The following THUMPD2 variants were observed in gnomAD, a reference collection of about 807,000 sequenced individuals.
The protein encoded by THUMPD2 is THUMP domain 2 tRNA and snRNA guanosine methyltransferase, also known as U6 snRNA (guanine-N(2))-methyltransferase THUMPD2.
THUMPD2 carries 56 observed loss-of-function variants against 49.4 expected under a neutral mutation model. The observed-to-expected ratio is 1.13, with a 90% CI of 0.91 to 1.41. The LOEUF (loss-of-function observed/expected upper bound fraction) is 1.41. Among genes scored for constraint, THUMPD2 ranks in the 40% most tolerant of loss-of-function variants. THUMPD2 has a pLI of 0.00. For missense variants in THUMPD2, 709 were observed against 594.5 expected (o/e 1.19, Z -2.00); for synonymous variants, 237 against 205.2 (o/e 1.15, Z -1.32).
At chr2:39,755,862 C>T in intron 7 of THUMPD2, 27 bp downstream of exon 7, 1 of 1,604,826 alleles carries the variant, frequency 6.2e-7, no homozygotes, top group Non-Finnish European at 8.5e-7. Flanking sequence ...AGATAAATTG[C>T]TTGCTTTACC....
chr2:39,741,325 T>C (rs1246502284), intron 9 of THUMPD2, among the ~76,000 whole-genome samples: 2 of 152,196 alleles, frequency 1.3e-5, no homozygotes, highest in South Asian at 2.1e-4. Context: ...GGTATACTCA[T>C]TGTTCCATGA....
intron 4 of THUMPD2, among the ~76,000 whole-genome samples, chr2:39,767,596 T>TC (rs2148323759): frequency 1.5e-5 from 1 of 66,376 alleles, no homozygotes; most frequent in South Asian, 5.0e-4. Flanking sequence ...AGAGCGAGAC[T>TC]CCGTCTCAAA....
At position 39,775,294 on chromosome 2, in the gene THUMPD2, T is replaced by C. The variant is rs558203343; in HGVS notation, c.127-3654A>G. The stretch of plus-strand genomic sequence containing the variant: ...ATCCTGTCACGATTTTTTTAAAAAG[T>C]TTAAATCTATGCAAAAACACATCAT... On this transcript the variant is annotated intron_variant, in intron 1 of 9. Coordinates refer to ENST00000505747, the MANE Select transcript of THUMPD2 (RefSeq NM_025264.5). Among the ~76,000 whole-genome samples the C allele has an allele frequency of 3.6e-4, 55 of 152,202 alleles. 2 individuals are homozygous for C. The highest frequency in any genetic ancestry group is 6.8e-3 in the Middle Eastern group (2 of 294).
At chr2:39,778,920 T>C (rs1558553609) in intron 1 of THUMPD2, among the ~76,000 whole-genome samples, 194 bp downstream of exon 1, 1 of 152,180 alleles carries the variant, frequency 6.6e-6, no homozygotes, top group African/African-American at 2.4e-5. Flanking sequence ...GGATTTGCTA[T>C]ACAAGGAAAG....
intron 1 of THUMPD2, among the ~76,000 whole-genome samples, chr2:39,773,881 A>G (rs1217144701): frequency 2.0e-5 from 3 of 152,218 alleles, no homozygotes; most frequent in Non-Finnish European, 2.9e-5. Context: ...CTTGTAGAAT[A>G]AGCATATTAT....
intron 1 of THUMPD2, among the ~76,000 whole-genome samples, chr2:39,775,271 C>G (rs1456689738): frequency 6.6e-6 from 1 of 152,004 alleles, no homozygotes; most frequent in East Asian, 1.9e-4. Flanking sequence ...AGAGCCTGAT[C>G]CTGTCACGAT....
rs192883697 is a variant in THUMPD2, at chr2:39,777,295, A to G, written c.126+1819T>C. ...AGTTACAAATCCACTAAAGGAATAT[A>G]TAAGATCTGCACACAGGTCTTTTGA... On this transcript the variant is annotated intron_variant, in intron 1 of 9. Coordinates refer to ENST00000505747, the MANE Select transcript of THUMPD2 (RefSeq NM_025264.5). 1.6e-3 allele frequency among the ~76,000 whole-genome samples: 250 copies of G among 152,312 alleles called. 1 individual carries two copies. The highest frequency in any genetic ancestry group is 5.7e-3 in the African/African-American group (239 of 41,572).
chr2:39,755,777 T>C (rs969502256), intron 7 of THUMPD2, 112 bp downstream of exon 7: 61 of 832,660 alleles, frequency 7.3e-5, no homozygotes, highest in Non-Finnish European at 1.0e-4. Flanking sequence ...ATAACTCATA[T>C]AATTAAAAAT....
chr2:39,757,510 T>C (rs1676299629), intron 6 of THUMPD2: 4 of 867,952 alleles, frequency 4.6e-6, no homozygotes, highest in South Asian at 3.3e-5. Flanking sequence ...TTGTTGAAAA[T>C]TGTTAATAGC....
intron 5 of THUMPD2, among the ~76,000 whole-genome samples, chr2:39,764,758 A>G (rs1008856851): frequency 6.6e-6 from 1 of 152,138 alleles, no homozygotes; most frequent in African/African-American, 2.4e-5. Flanking sequence ...TGTTCTTTTT[A>G]GCCAACACTC....
rs762434518 is a variant in THUMPD2 at position 39,769,736 on chromosome 2, T to C, written c.646A>G (p.Thr216Ala). ...TGTGCAGTGAAGGCCTTTCCAATAG[T>C]TCCACTGCAGCGACAAGATACTCTG... ...TFRVSCRCSG[T>A]IGKAFTAQEV... The change falls in exon 3 of 10, where the codon ACT becomes GCT. Residue 216 changes from threonine (T) to alanine (A), a missense_variant. Transcript: ENST00000505747. The C allele has an allele frequency of 3.2e-5, 50 of 1,578,344 alleles. No homozygotes were observed. The highest frequency in any genetic ancestry group is 4.1e-5 in the Non-Finnish European group (48 of 1,168,218).
intron 8 of THUMPD2, among the ~76,000 whole-genome samples, chr2:39,751,681 A>T (rs1053415312): frequency 5.0e-5 from 6 of 119,956 alleles, no homozygotes; most frequent in Non-Finnish European, 9.8e-5. Flanking sequence ...ATATTAAAAG[A>T]TTTTTTTTTT....
intron 1 of THUMPD2, among the ~76,000 whole-genome samples, chr2:39,776,966 G>C (rs1047693659): frequency 1.3e-5 from 2 of 152,176 alleles, no homozygotes; most frequent in African/African-American, 4.8e-5. Flanking sequence ...ACATTAAAAT[G>C]AAGTGATTAC....
At chr2:39,777,886 T>A (rs1484579554) in intron 1 of THUMPD2, among the ~76,000 whole-genome samples, 1 of 152,136 alleles carries the variant, frequency 6.6e-6, no homozygotes, top group Non-Finnish European at 1.5e-5. Context: ...TAATCCTACA[T>A]ATTAATTGGG....
intron 5 of THUMPD2, among the ~76,000 whole-genome samples, chr2:39,765,794 A>T (rs928328936): frequency 6.6e-6 from 1 of 152,214 alleles, no homozygotes; most frequent in Non-Finnish European, 1.5e-5. Context: ...CCATTTAATA[A>T]TAGAACTAGA....
rs1322784601 is a variant in THUMPD2, at chr2:39,770,036, G to A, written c.346C>T (p.Leu116Phe). ...TTTTCCTTTTTTGCATCAAGTTCAA[G>A]AAGATTTTTCCAAATTGAAATGGCA... ...LNAISIWKNL[L>F]ELDAKKEKLS... Residue 116 changes from leucine to phenylalanine, a missense_variant, in exon 3 of 10, where the codon CTT becomes TTT. Leu to Phe is a conservative substitution (Grantham distance 22). Transcript: ENST00000505747. The A allele has an allele frequency of 6.4e-7, 1 of 1,573,862 alleles. No individual in the cohort carries two copies.
intron 4 of THUMPD2, 117 bp from the exon 5 acceptor site, chr2:39,766,226 G>C: frequency 1.5e-6 from 1 of 646,900 alleles, no homozygotes; most frequent in South Asian, 3.1e-5. Flanking sequence ...GAAACTCCAA[G>C]GCCTTATTCA....
At chr2:39,754,358 A>G (rs947090620) in intron 8 of THUMPD2, among the ~76,000 whole-genome samples, 1 of 152,220 alleles carries the variant, frequency 6.6e-6, no homozygotes, top group African/African-American at 2.4e-5. Flanking sequence ...ATGAGATCTC[A>G]ATCAACAAGA....
Position 39,755,959 on chromosome 2 carries a change from G to C in THUMPD2, c.893C>G (p.Ala298Gly). Residue 298 changes from alanine (A) to glycine (G), a missense_variant and splice_region_variant, in exon 7 of 10, where the codon GCT becomes GGT. By Grantham distance (60) the Ala-to-Gly change is moderately conservative. Coordinates refer to ENST00000505747, the MANE Select transcript of THUMPD2 (RefSeq NM_025264.5). ...CATTGGATCTAAAACAAATGCACCA[G>C]CCTGCAGACAGAAATATTAATTTGG... is the stretch of plus-strand genomic sequence containing the variant. Reference protein sequence around the residue: ...WAMASLADIKAGAFVLDPMCG... With the variant: ...WAMASLADIKGGAFVLDPMCG... 1 of 1,613,514 alleles carries C rather than the reference G, an allele frequency of 6.2e-7. No individual in the cohort carries two copies. The highest frequency in any genetic ancestry group is 1.1e-5 in the South Asian group (1 of 91,076).
Sources: gnomAD v4.1 joint callset for allele counts (sites outside exome capture counted in the v4.1 genomes callset) on GRCh38, gnomAD v4.1.1 for gene constraint, MANE v1.5 for transcripts, NCBI Gene and HGNC (gene_info 2026-07-23, HGNC 2026-07-21) for gene names.